HTR1F: variants seen among roughly 807,000 people sequenced by gnomAD.
HTR1F encodes 5-hydroxytryptamine receptor 1F.
A neutral mutation model predicts 24.0 loss-of-function variants in HTR1F; 17 were observed. That is an observed-to-expected ratio of 0.71 (90% CI 0.48 to 1.06). The LOEUF is 1.06. HTR1F is among the 50% of genes least tolerant of loss of function. The pLI is 0.00. For synonymous variants in HTR1F, 186 were observed against 156.8 expected (o/e 1.19, Z -1.39); for missense variants, 391 against 427.8 (o/e 0.91, Z 0.76).
intron 2 of HTR1F, among the ~76,000 whole-genome samples, chr3:87,934,047 T>C (rs527552680): frequency 6.6e-6 from 1 of 152,218 alleles, no homozygotes; most frequent in Non-Finnish European, 1.5e-5. Context: ...CTTCATAATA[T>C]CTGGTTCGTC....
intron 2 of HTR1F, among the ~76,000 whole-genome samples, chr3:87,862,333 A>G (rs1176657894): frequency 6.6e-6 from 1 of 152,214 alleles, no homozygotes; most frequent in Non-Finnish European, 1.5e-5. Flanking sequence ...TGTTTTTAAC[A>G]GCTGAAAACA....
At chr3:87,930,970 C>A (rs1704249421) in intron 2 of HTR1F, among the ~76,000 whole-genome samples, 1 of 151,202 alleles carries the variant, frequency 6.6e-6, no homozygotes, top group Admixed American at 6.6e-5. Flanking sequence ...ATTCCTCCAG[C>A]TCAAATAACT....
At chr3:87,793,938 A>G (rs573766744) in intron 1 of HTR1F, among the ~76,000 whole-genome samples, 1 of 149,232 alleles carries the variant, frequency 6.7e-6, no homozygotes, top group African/African-American at 2.5e-5. Context: ...AATTATTACA[A>G]TTTGATTAAA....
At chr3:87,942,673 C>A (rs1704599148) in intron 2 of HTR1F, among the ~76,000 whole-genome samples, 1 of 152,008 alleles carries the variant, frequency 6.6e-6, no homozygotes, top group South Asian at 2.1e-4. Flanking sequence ...TTCAATTTGC[C>A]CAGCTTTTCC....
At chr3:87,888,752 C>A (rs932372812) in intron 2 of HTR1F, among the ~76,000 whole-genome samples, 1 of 152,024 alleles carries the variant, frequency 6.6e-6, no homozygotes, top group Non-Finnish European at 1.5e-5. Flanking sequence ...AAATGGGGAG[C>A]CTAAAAGTAC....
intron 2 of HTR1F, among the ~76,000 whole-genome samples, chr3:87,923,134 T>C (rs1287146874): frequency 6.6e-6 from 1 of 152,038 alleles, no homozygotes; most frequent in Non-Finnish European, 1.5e-5. Context: ...TATCTTTTAT[T>C]ATGTTGGTGC....
At chr3:87,904,783 C>A (rs528348223) in intron 2 of HTR1F, among the ~76,000 whole-genome samples, 1 of 151,898 alleles carries the variant, frequency 6.6e-6, no homozygotes, top group African/African-American at 2.4e-5. Flanking sequence ...TTTCAAATAC[C>A]AGTAAGCTAA....
At chr3:87,959,240 T>C (rs1705009266) in intron 2 of HTR1F, among the ~76,000 whole-genome samples, 1 of 151,772 alleles carries the variant, frequency 6.6e-6, no homozygotes, top group Non-Finnish European at 1.5e-5. Flanking sequence ...TTCTCACATT[T>C]TTATGGTTGG....
At chr3:87,852,109 C>A (rs1026237115) in intron 2 of HTR1F, among the ~76,000 whole-genome samples, 1 of 151,514 alleles carries the variant, frequency 6.6e-6, no homozygotes, top group Non-Finnish European at 1.5e-5. Context: ...GGGCATTTCC[C>A]TGATTAATAT....
chr3:87,853,875 C>A (rs1705144304), intron 2 of HTR1F, among the ~76,000 whole-genome samples: 1 of 151,972 alleles, frequency 6.6e-6, no homozygotes, highest in Non-Finnish European at 1.5e-5. Context: ...TAACGAGTGT[C>A]TGTTCATGTT....
chr3:87,923,905 T>C (rs1224163076), intron 2 of HTR1F, among the ~76,000 whole-genome samples: 1 of 152,132 alleles, frequency 6.6e-6, no homozygotes, highest in East Asian at 1.9e-4. Flanking sequence ...TAGTATTTTG[T>C]TGAGGATGTT....
intron 2 of HTR1F, among the ~76,000 whole-genome samples, 172 bp downstream of exon 2, chr3:87,822,296 C>T (rs1287431652): frequency 1.3e-5 from 2 of 151,948 alleles, no homozygotes; most frequent in African/African-American, 4.8e-5. Context: ...CACTAATGGC[C>T]AATAGTGTTT....
At chr3:87,879,529 C>A (rs1264144218) in intron 2 of HTR1F, among the ~76,000 whole-genome samples, 6 of 152,114 alleles carry the variant, frequency 3.9e-5, no homozygotes, top group Admixed American at 1.3e-4. Context: ...CTCCCCTCCC[C>A]ACACACACCC....
At chr3:87,865,562 C>T (rs1455680233) in intron 2 of HTR1F, among the ~76,000 whole-genome samples, 1 of 152,088 alleles carries the variant, frequency 6.6e-6, no homozygotes, top group Non-Finnish European at 1.5e-5. Flanking sequence ...TATATAAATA[C>T]ACAATAAATA....
intron 2 of HTR1F, among the ~76,000 whole-genome samples, chr3:87,931,874 T>G (rs1478530098): frequency 6.6e-6 from 1 of 150,838 alleles, no homozygotes; most frequent in Non-Finnish European, 1.5e-5. Flanking sequence ...TCATATCCTT[T>G]GCCCACTTTT....
At chr3:87,819,994 T>C (rs940845181) in intron 1 of HTR1F, among the ~76,000 whole-genome samples, 8 of 152,124 alleles carry the variant, frequency 5.3e-5, no homozygotes. Flanking sequence ...AATTTTAATA[T>C]TCTGCTTTTT....
Position 87,934,140 on chromosome 3 carries a change from G to T in HTR1F, c.-42-56568G>T, listed in dbSNP as rs117100878. On this transcript the variant is annotated intron_variant, in intron 2 of 2. Coordinates refer to ENST00000319595, the MANE Select transcript of HTR1F (RefSeq NM_001322209.2). Reference sequence around the variant, plus strand: ...ATCAGTGAGCTATCTTGACCTACTCGAACCCCTGTACAGTAACTGTTAATC... The same window carrying T: ...ATCAGTGAGCTATCTTGACCTACTCTAACCCCTGTACAGTAACTGTTAATC... Among the ~76,000 whole-genome samples the T allele has an allele frequency of 2.6e-5, 4 of 152,152 alleles. No individual in the cohort carries two copies. The East Asian group carries it at 7.7e-4, about 29-fold the overall frequency.
intron 2 of HTR1F, among the ~76,000 whole-genome samples, chr3:87,936,942 T>A (rs1704435121): frequency 6.6e-6 from 1 of 151,950 alleles, no homozygotes; most frequent in Non-Finnish European, 1.5e-5. Flanking sequence ...ATTGATTCCC[T>A]GAACAGACCA....
chr3:87,927,680 C>G (rs1211305742), intron 2 of HTR1F, among the ~76,000 whole-genome samples: 1 of 152,130 alleles, frequency 6.6e-6, no homozygotes, highest in Non-Finnish European at 1.5e-5. Flanking sequence ...TGTACCACCT[C>G]TACAAATACC....
Sources: allele counts gnomAD v4.1 joint callset (sites outside exome capture counted in the v4.1 genomes callset), GRCh38; gene constraint gnomAD v4.1.1; transcripts MANE v1.5; gene names NCBI Gene and HGNC (gene_info 2026-07-23, HGNC 2026-07-21).